The following SUCLA2 variants were observed in gnomAD, a reference collection of about 807,000 sequenced individuals.
The protein encoded by SUCLA2 is succinate-CoA ligase ADP-forming subunit beta.
Under a neutral mutation model 54.8 loss-of-function variants are expected in SUCLA2, and 30 were observed. That is an observed-to-expected ratio of 0.55 (90% CI 0.41 to 0.74). The LOEUF (loss-of-function observed/expected upper bound fraction) is 0.74, where lower values mean the gene tolerates loss of function less well. SUCLA2 is among the 30% of genes least tolerant of loss of function. The probability of loss-of-function intolerance (pLI) is 0.00; values close to 1 mark genes in which losing one functional copy is unlikely to be tolerated. For synonymous variants in SUCLA2, 172 were observed against 188.9 expected, an observed-to-expected ratio of 0.91 and a Z score of 0.74; for missense variants, 476 against 562.9, an observed-to-expected ratio of 0.85 and a Z score of 1.56.
At chr13:47,976,192 C>T (rs988850702) in intron 4 of SUCLA2, among the ~76,000 whole-genome samples, 4 of 152,178 alleles carry the variant, frequency 2.6e-5, no homozygotes, top group African/African-American at 9.7e-5. Flanking sequence ...AAGCCCAAGA[C>T]CTTGCTCCCT....
At chr13:47,949,657 T>C (rs886694138) in intron 8 of SUCLA2, 54 bp from the exon 9 acceptor site, 53 of 1,587,018 alleles carry the variant, frequency 3.3e-5, no homozygotes, top group Non-Finnish European at 4.5e-5. Context: ...TAAGTTCTTT[T>C]CCCCAAAAAA....
rs1334520558 is a variant in SUCLA2 at position 48,001,208 on chromosome 13, G to A, written c.62C>T (p.Pro21Leu). 2 of 1,609,690 alleles carry A rather than the reference G, an allele frequency of 1.2e-6. No homozygotes were observed. Among genetic ancestry groups the A allele is most frequent in the East Asian group, 2.2e-5 (1 of 44,690 alleles). ...AGCAGCAGCCCGCTGGGCCGTCCGA[G>A]GCCGGTGGTTCCGAAGGGTGGCCAC... ...VAVATLRNHR[P>L]RTAQRAAAQV... The change falls in exon 1 of 11, where the codon CCT becomes CTT. Residue 21 changes from proline to leucine, a missense_variant. Coordinates refer to ENST00000646932, the MANE Select transcript of SUCLA2 (RefSeq NM_003850.3).
chr13:47,982,228 A>G (rs1399975727), intron 4 of SUCLA2, among the ~76,000 whole-genome samples: 1 of 152,234 alleles, frequency 6.6e-6, no homozygotes, highest in Non-Finnish European at 1.5e-5. Flanking sequence ...ATGGATAAAG[A>G]AAATGCAGTA....
chr13:47,988,965 CACG>C lies in SUCLA2; in HGVS notation c.285_287del (p.Val96del), dbSNP rs1242061606. On this transcript the variant is annotated inframe_deletion, in exon 3 of 11. Transcript: ENST00000646932. ...CACCAGCTAAAACCTGTGCCTTTAT[CACG>C]ACATCTTTTGAACCTAGAAGAAAAA... 10 of 1,613,442 alleles carry C rather than the reference CACG, an allele frequency of 6.2e-6. No individual in the cohort carries two copies. Among genetic ancestry groups the C allele is most frequent in the East Asian group, 2.2e-5 (1 of 44,844 alleles).
intron 4 of SUCLA2, among the ~76,000 whole-genome samples, chr13:47,974,366 A>G (rs1203801965): frequency 6.6e-6 from 1 of 152,206 alleles, no homozygotes; most frequent in Non-Finnish European, 1.5e-5. Context: ...CAGAAGGACT[A>G]CTTGAGTTCA....
chr13:48,001,113 G>C, intron 1 of SUCLA2, 67 bp downstream of exon 1: 1 of 1,543,202 alleles, frequency 6.5e-7, no homozygotes, highest in Non-Finnish European at 8.8e-7. Flanking sequence ...GCCGGGCCAC[G>C]GGACCCCTCA....
At chr13:47,964,420 T>G (rs187191433) in intron 6 of SUCLA2, among the ~76,000 whole-genome samples, 2 of 152,164 alleles carry the variant, frequency 1.3e-5, no homozygotes, top group East Asian at 3.9e-4. Context: ...ATGGAATAAA[T>G]TAAATAAAAT....
chr13:47,979,861 A>T (rs914717744), intron 4 of SUCLA2, among the ~76,000 whole-genome samples: 1 of 152,224 alleles, frequency 6.6e-6, no homozygotes, highest in Non-Finnish European at 1.5e-5. Flanking sequence ...AGATGTTGTC[A>T]TATGTAGAAA....
At chr13:47,959,348 T>C (rs1373421737) in intron 6 of SUCLA2, among the ~76,000 whole-genome samples, 1 of 35,662 alleles carries the variant, frequency 2.8e-5, no homozygotes. Context: ...TAATTTTGTA[T>C]GTGAAAAGAT....
chr13:47,977,597 C>A (rs1950026678), intron 4 of SUCLA2, among the ~76,000 whole-genome samples: 1 of 152,024 alleles, frequency 6.6e-6, no homozygotes, highest in Non-Finnish European at 1.5e-5. Flanking sequence ...GGACTTAACT[C>A]CTAGAATACA....
intron 10 of SUCLA2, among the ~76,000 whole-genome samples, chr13:47,943,756 G>GTA (rs760716282): frequency 0.077 from 9,266 of 120,234 alleles, 525 homozygotes; most frequent in East Asian, 0.32. Context: ...GTGTGTGTGT[G>GTA]TGTGTGTGTG....
chr13:47,998,186 A>G (rs1950203912), intron 1 of SUCLA2, among the ~76,000 whole-genome samples: 1 of 151,896 alleles, frequency 6.6e-6, no homozygotes, highest in African/African-American at 2.4e-5. Context: ...CTGAGGCAGG[A>G]GGATCCCTTC....
chr13:47,945,646 A>ACACACACACC (rs1949724239), intron 10 of SUCLA2: 1 of 36,098 alleles, frequency 2.8e-5, no homozygotes, highest in African/African-American at 7.7e-5. Context: ...AAAGGGAGAC[A>ACACACACACC]CACACACACA....
chr13:47,966,876 GC>G (rs1461198755), intron 6 of SUCLA2, among the ~76,000 whole-genome samples: 3 of 151,980 alleles, frequency 2.0e-5, no homozygotes, highest in Non-Finnish European at 4.4e-5. Context: ...AATTAGCCAG[GC>G]ATGGTGGTGG....
intron 4 of SUCLA2, among the ~76,000 whole-genome samples, chr13:47,974,754 TCTA>T (rs1488877830): frequency 6.6e-6 from 1 of 152,152 alleles, no homozygotes; most frequent in African/African-American, 2.4e-5. Context: ...ATCTAATAGA[TCTA>T]CTAATTTATG....
At chr13:47,949,369 A>G in intron 9 of SUCLA2, 114 bp downstream of exon 9, 2 of 1,246,546 alleles carry the variant, frequency 1.6e-6, no homozygotes, top group Non-Finnish European at 2.3e-6. Context: ...TTCATATTGT[A>G]TAATGCTTTC....
intron 2 of SUCLA2, among the ~76,000 whole-genome samples, 196 bp downstream of exon 2, chr13:47,996,647 T>C (rs918591106): frequency 6.6e-6 from 1 of 151,932 alleles, no homozygotes; most frequent in Non-Finnish European, 1.5e-5. Flanking sequence ...GTCACTGGCA[T>C]TATGGGTGCT....
intron 4 of SUCLA2, among the ~76,000 whole-genome samples, chr13:47,974,442 C>T (rs1410065316): frequency 6.6e-6 from 1 of 152,048 alleles, no homozygotes; most frequent in Admixed American, 6.6e-5. Context: ...AATAAATTAG[C>T]CAGGCATGGT....
At chr13:47,996,757 A>G in intron 2 of SUCLA2, 86 bp downstream of exon 2, 1 of 1,320,806 alleles carries the variant, frequency 7.6e-7, no homozygotes, top group East Asian at 2.4e-5. Flanking sequence ...AAAAAAAGCT[A>G]AAAGTTGTTA....
Sources: allele counts gnomAD v4.1 joint callset (sites outside exome capture counted in the v4.1 genomes callset), GRCh38; gene constraint gnomAD v4.1.1; transcripts MANE v1.5; gene names NCBI Gene and HGNC (gene_info 2026-07-23, HGNC 2026-07-21).